GPR176: variants seen among roughly 807,000 people sequenced by gnomAD.
The protein encoded by GPR176 is G protein-coupled receptor 176.
A neutral mutation model predicts 35.4 loss-of-function variants in GPR176; 26 were observed. The ratio of observed to expected loss-of-function variants is 0.74; its 90% confidence interval spans 0.54 to 1.02. The LOEUF (loss-of-function observed/expected upper bound fraction) is 1.02. Among genes scored for constraint, GPR176 ranks in the 50% least tolerant of loss-of-function variants. The pLI, the probability that GPR176 is intolerant of heterozygous loss-of-function variation, is 0.00. For synonymous variants in GPR176, 278 were observed against 271.3 expected (o/e 1.02, Z -0.24); for missense variants, 597 against 665.3 (o/e 0.90, Z 1.13).
At chr15:39,911,388 G>A (rs997548679) in intron 1 of GPR176, among the ~76,000 whole-genome samples, 1 of 152,202 alleles carries the variant, frequency 6.6e-6, no homozygotes, top group East Asian at 1.9e-4. Flanking sequence ...AAGTTTTTCA[G>A]TATCTCATTT....
At chr15:39,919,785 C>T (rs1356599587) in intron 1 of GPR176, 70 bp downstream of exon 1, 7 of 1,261,722 alleles carry the variant, frequency 5.5e-6, no homozygotes, top group Admixed American at 4.1e-5. Context: ...GCTGGGCGGC[C>T]CTGCTCCCGG....
intron 1 of GPR176, among the ~76,000 whole-genome samples, chr15:39,879,721 C>T (rs201922895): frequency 6.6e-6 from 1 of 152,182 alleles, no homozygotes; most frequent in East Asian, 1.9e-4. Flanking sequence ...GGGCACCCCA[C>T]CTCGAAGTTG....
At chr15:39,813,371 G>A (rs1899695527) in intron 1 of GPR176, 1 of 152,028 alleles carries the variant, frequency 6.6e-6, no homozygotes, top group South Asian at 2.1e-4. Context: ...CCTCTTTTTG[G>A]TTGTCTGAAA....
rs1052366640 is a variant in GPR176 at position 39,829,953 on chromosome 15, C to T, written c.173-22695G>A. On this transcript the variant is annotated intron_variant, in intron 1 of 2. Coordinates refer to ENST00000561100, the MANE Select transcript of GPR176 (RefSeq NM_007223.3). Reference sequence around the variant, plus strand: ...AAATAACTTTGTATATTCTTAATACCAGTACTGTTATAATTATATAATTTA... The same window carrying T: ...AAATAACTTTGTATATTCTTAATACTAGTACTGTTATAATTATATAATTTA... Among the ~76,000 whole-genome samples, 6 of 151,710 alleles carry T rather than the reference C, an allele frequency of 4.0e-5. No individual in the cohort carries two copies. In the East Asian group the frequency reaches 1.2e-3, roughly 29 times the overall value.
chr15:39,877,547 CTTCT>C (rs936021492), intron 1 of GPR176, among the ~76,000 whole-genome samples: 32 of 33,642 alleles, frequency 9.5e-4, no homozygotes, highest in East Asian at 6.5e-3. Flanking sequence ...TCTTCTTCTT[CTTCT>C]TTTTTTTTTT....
At chr15:39,867,261 G>A (rs1041666555) in intron 1 of GPR176, among the ~76,000 whole-genome samples, 1 of 152,196 alleles carries the variant, frequency 6.6e-6, no homozygotes, top group Admixed American at 6.5e-5. Context: ...AAGGCCAACT[G>A]ACTCTACCAC....
intron 1 of GPR176, among the ~76,000 whole-genome samples, chr15:39,907,682 T>C (rs936360846): frequency 2.0e-5 from 3 of 152,234 alleles, no homozygotes; most frequent in African/African-American, 7.2e-5. Context: ...TAGAGGCTAT[T>C]GAGTTCATCA....
chr15:39,856,338 T>G (rs2031216420), intron 1 of GPR176, among the ~76,000 whole-genome samples: 1 of 152,274 alleles, frequency 6.6e-6, no homozygotes, highest in Non-Finnish European at 1.5e-5. Context: ...AAATATAATC[T>G]TTAGACAGTA....
intron 1 of GPR176, among the ~76,000 whole-genome samples, chr15:39,900,615 C>T (rs275727): frequency 5.4e-4 from 82 of 152,258 alleles, no homozygotes; most frequent in African/African-American, 1.8e-3. Flanking sequence ...GCCAAACAGC[C>T]CTCAATTGGT....
intron 1 of GPR176, among the ~76,000 whole-genome samples, chr15:39,864,386 C>T (rs979104687): frequency 3.3e-5 from 5 of 152,098 alleles, no homozygotes; most frequent in African/African-American, 1.2e-4. Context: ...AGAATATACA[C>T]TGGGGAAAGG....
chr15:39,844,823 A>C (rs934679093), intron 1 of GPR176, among the ~76,000 whole-genome samples: 1 of 152,058 alleles, frequency 6.6e-6, no homozygotes, highest in African/African-American at 2.4e-5. Flanking sequence ...CAACCAGAAA[A>C]GGTACTGAGG....
At chr15:39,845,189 G>A (rs934056058) in intron 1 of GPR176, among the ~76,000 whole-genome samples, 1 of 152,048 alleles carries the variant, frequency 6.6e-6, no homozygotes, top group African/African-American at 2.4e-5. Context: ...TTCGAAAACA[G>A]AAAACTCAGA....
chr15:39,859,693 G>A (rs375652151), intron 1 of GPR176, among the ~76,000 whole-genome samples: 17 of 152,236 alleles, frequency 1.1e-4, no homozygotes, highest in African/African-American at 4.1e-4. Flanking sequence ...ATTATACCAA[G>A]TAAAATCGGC....
chr15:39,830,776 A>G (rs887283045), intron 1 of GPR176, among the ~76,000 whole-genome samples: 13 of 152,234 alleles, frequency 8.5e-5, no homozygotes, highest in African/African-American at 2.4e-4. Flanking sequence ...GATTTAAATA[A>G]TACTTGATTG....
At chr15:39,808,262 AT>A (rs1468144595) in intron 1 of GPR176, among the ~76,000 whole-genome samples, 1 of 151,832 alleles carries the variant, frequency 6.6e-6, no homozygotes, top group African/African-American at 2.4e-5. Flanking sequence ...ACCCCTCTCA[AT>A]CCCCACCATG....
chr15:39,836,830 C>T (rs1901426718), intron 1 of GPR176, among the ~76,000 whole-genome samples: 1 of 152,096 alleles, frequency 6.6e-6, no homozygotes. Flanking sequence ...CAGTACTTGG[C>T]ACATGGAGAT....
intron 1 of GPR176, among the ~76,000 whole-genome samples, chr15:39,917,142 G>A (rs754264235): frequency 2.0e-4 from 31 of 151,890 alleles, no homozygotes; most frequent in Non-Finnish European, 2.9e-4. Context: ...ACTTAGCCAG[G>A]CGTGGTGGCG....
chr15:39,912,113 G>A (rs1205718245), intron 1 of GPR176, among the ~76,000 whole-genome samples: 5 of 152,208 alleles, frequency 3.3e-5, no homozygotes, highest in African/African-American at 1.2e-4. Context: ...CGAGGTTTAT[G>A]AGAAGACATG....
At chr15:39,839,137 T>A (rs1901588372) in intron 1 of GPR176, among the ~76,000 whole-genome samples, 2 of 152,220 alleles carry the variant, frequency 1.3e-5, no homozygotes, top group African/African-American at 4.8e-5. Flanking sequence ...AAAAACTACT[T>A]TAAAGTTCAT....
Sources: allele counts gnomAD v4.1 joint callset (sites outside exome capture counted in the v4.1 genomes callset), GRCh38; gene constraint gnomAD v4.1.1; transcripts MANE v1.5; gene names NCBI Gene and HGNC (gene_info 2026-07-23, HGNC 2026-07-21).